RFTN1: variants seen among roughly 807,000 people sequenced by gnomAD.
The protein encoded by RFTN1 is raftlin, lipid raft linker 1.
Under a neutral mutation model 46.5 loss-of-function variants are expected in RFTN1, and 26 were observed. The observed-to-expected ratio is 0.56, with a 90% CI of 0.41 to 0.78. The LOEUF (loss-of-function observed/expected upper bound fraction) is 0.78. Among genes scored for constraint, RFTN1 ranks in the 30% least tolerant of loss-of-function variants. The pLI, the probability that RFTN1 is intolerant of heterozygous loss-of-function variation, is 0.00. For synonymous variants in RFTN1, 261 were observed against 284.2 expected (o/e 0.92, Z 0.82); for missense variants, 693 against 718.7 (o/e 0.96, Z 0.41).
intron 4 of RFTN1, among the ~76,000 whole-genome samples, chr3:16,378,613 C>T (rs1229838141): frequency 1.3e-5 from 2 of 152,110 alleles, no homozygotes; most frequent in Admixed American, 6.5e-5. Context: ...ATAGTTTTGG[C>T]AGAGAAGGGC....
rs1441065189 is a variant in RFTN1 at position 16,317,506 on chromosome 3, T to C, written c.1333-274A>G. 6.6e-6 allele frequency among the ~76,000 whole-genome samples: 1 copy of C among 152,160 alleles called. No homozygotes were observed. The highest frequency in any genetic ancestry group is 1.5e-5 in the Non-Finnish European group (1 of 68,022). ...GCAGTATTTCTTTTGACTGGCTCTA[T>C]ACCAAAGGCCCACATAGGAAAGGGC... On this transcript the variant is annotated intron_variant, in intron 9 of 9. Transcript: ENST00000334133. This position sits in a 1 kb window ranked among gnomAD's most constrained non-coding sequence, Gnocchi z 4.3.
rs2125160102 is a variant in RFTN1, at chr3:16,317,873, C to T, written c.1333-641G>A. On this transcript the variant is annotated intron_variant, in intron 9 of 9. Transcript: ENST00000334133. The surrounding 1 kb of genome is among the most constrained non-coding windows in gnomAD (Gnocchi z 4.3). ...GGATACAACAACCCATTTCCTGATC[C>T]CAATTTGGGATAACGCAAATGCCAT... Among the ~76,000 whole-genome samples the T allele has an allele frequency of 6.6e-6, 1 of 152,290 alleles. No homozygotes were observed. The highest frequency in any genetic ancestry group is 2.4e-5 in the African/African-American group (1 of 41,554).
At position 16,413,460 on chromosome 3, in the gene RFTN1, G is replaced by A. The variant is rs147637121; in HGVS notation, c.333-3977C>T. Among the ~76,000 whole-genome samples, 90 of 152,358 alleles carry A rather than the reference G, an allele frequency of 5.9e-4. No homozygotes were observed. Among genetic ancestry groups the A allele is most frequent in the Admixed American group, 5.5e-3 (84 of 15,312 alleles). ...GGCATTGCCACCTTCCTATGGGGTAGTGGAAATACCAGGTATGCTCCCCAA... is the reference window on the plus strand; with the variant it reads ...GGCATTGCCACCTTCCTATGGGGTAATGGAAATACCAGGTATGCTCCCCAA... On this transcript the variant is annotated intron_variant, in intron 3 of 9. Coordinates refer to ENST00000334133, the MANE Select transcript of RFTN1 (RefSeq NM_015150.2). The surrounding 1 kb of genome is among the most constrained non-coding windows in gnomAD (Gnocchi z 4.7).
At chr3:16,412,654 A>G (rs1008979128) in intron 3 of RFTN1, among the ~76,000 whole-genome samples, 16 of 152,164 alleles carry the variant, frequency 1.1e-4, no homozygotes, top group African/African-American at 2.7e-4. Context: ...CAGCCCTTTC[A>G]GTGGGGGCAG....
rs2076858942 is a variant in RFTN1 at position 16,509,177 on chromosome 3, T to A, written c.-9+4265A>T. On this transcript the variant is annotated intron_variant, in intron 1 of 9. Coordinates refer to ENST00000334133, the MANE Select transcript of RFTN1 (RefSeq NM_015150.2). This position sits in a 1 kb window ranked among gnomAD's most constrained non-coding sequence, Gnocchi z 4.9. ...CTGGCTGTGCCAAACTCAGTAAGCT[T>A]AAGACAAAATGAAAACAAACAAACA... Among the ~76,000 whole-genome samples the A allele has an allele frequency of 6.6e-6, 1 of 152,080 alleles. No individual in the cohort carries two copies.
intron 7 of RFTN1, among the ~76,000 whole-genome samples, chr3:16,332,981 G>A (rs760386598): frequency 1.3e-5 from 2 of 152,104 alleles, no homozygotes; most frequent in African/African-American, 2.4e-5. Context: ...GCATCTGGTC[G>A]CAACAGTTTT....
intron 2 of RFTN1, among the ~76,000 whole-genome samples, chr3:16,463,708 G>A (rs2076043543): frequency 2.6e-5 from 4 of 151,910 alleles, no homozygotes; most frequent in Non-Finnish European, 5.9e-5. Context: ...TCTCATTTTT[G>A]GGGAATGGTC....
intron 3 of RFTN1, among the ~76,000 whole-genome samples, chr3:16,432,390 C>A (rs1183155607): frequency 6.6e-6 from 1 of 152,076 alleles, no homozygotes; most frequent in African/African-American, 2.4e-5. Context: ...TGGTGGCGTG[C>A]ACCTGTAGTC....
chr3:16,467,996 A>G (rs1390093774), intron 2 of RFTN1, among the ~76,000 whole-genome samples: 1 of 152,160 alleles, frequency 6.6e-6, no homozygotes, highest in African/African-American at 2.4e-5. Flanking sequence ...TTCCTCAGCA[A>G]GCCTTTCCCA....
intron 4 of RFTN1, among the ~76,000 whole-genome samples, chr3:16,391,875 T>C (rs1002221871): frequency 4.5e-5 from 1 of 22,094 alleles, no homozygotes; most frequent in Non-Finnish European, 1.0e-4. Flanking sequence ...TTTTGTTTTT[T>C]TTTTTTGTTT....
chr3:16,502,719 C>T (rs1254043905), intron 1 of RFTN1, among the ~76,000 whole-genome samples: 1 of 152,248 alleles, frequency 6.6e-6, no homozygotes, highest in Non-Finnish European at 1.5e-5. Context: ...AGCACTAACT[C>T]AGCACCCATG....
chr3:16,366,075 T>G (rs58074824), intron 6 of RFTN1, among the ~76,000 whole-genome samples: 32,361 of 132,880 alleles, frequency 0.24, 4,365 homozygotes, highest in African/African-American at 0.42. Flanking sequence ...TGGGCAGGGG[T>G]GTGGAGCAGG....
chr3:16,391,930 A>C (rs1439729961), intron 4 of RFTN1, among the ~76,000 whole-genome samples: 1 of 143,328 alleles, frequency 7.0e-6, no homozygotes, highest in Non-Finnish European at 1.5e-5. Context: ...GAATTTCAGA[A>C]AGTGAAACAT....
At chr3:16,359,828 A>G (rs945486826) in intron 6 of RFTN1, among the ~76,000 whole-genome samples, 1 of 150,922 alleles carries the variant, frequency 6.6e-6, no homozygotes, top group East Asian at 1.9e-4. Flanking sequence ...TTTTTTTTTC[A>G]TGGGGAGGGA....
rs1264466494 is a variant in RFTN1 at position 16,421,847 on chromosome 3, CA to C, written c.332+12003del. 1.3e-5 allele frequency among the ~76,000 whole-genome samples: 2 copies of C among 152,238 alleles called. No individual in the cohort carries two copies. Among genetic ancestry groups the C allele is most frequent in the South Asian group, 2.1e-4 (1 of 4,828 alleles). Reference sequence around the variant, plus strand: ...ATGAGAGTTAATTTAGCTAAAATTACAAAAAGCGATCCACTAATTCACCTTA... The same window carrying C: ...ATGAGAGTTAATTTAGCTAAAATTACAAAAGCGATCCACTAATTCACCTTA... On this transcript the variant is annotated intron_variant, in intron 3 of 9. Coordinates refer to ENST00000334133, the MANE Select transcript of RFTN1 (RefSeq NM_015150.2). This position sits in a 1 kb window ranked among gnomAD's most constrained non-coding sequence, Gnocchi z 4.6.
chr3:16,417,738 T>C lies in RFTN1; in HGVS notation c.333-8255A>G, dbSNP rs377538450. 1.4e-4 allele frequency among the ~76,000 whole-genome samples: 21 copies of C among 152,346 alleles called. No individual in the cohort carries two copies. In the South Asian group the frequency reaches 1.5e-3, roughly 11 times the overall value. ...TGGGCAACGAGTGAAAGATTCTTTC[T>C]GAAACCAAAGCACATAATCTAGACA... On this transcript the variant is annotated intron_variant, in intron 3 of 9. Coordinates refer to ENST00000334133, the MANE Select transcript of RFTN1 (RefSeq NM_015150.2).
At chr3:16,414,327 C>A (rs1457332658) in intron 3 of RFTN1, among the ~76,000 whole-genome samples, 1 of 149,692 alleles carries the variant, frequency 6.7e-6, no homozygotes, top group Non-Finnish European at 1.5e-5. Context: ...AAGAAAAGGG[C>A]TGGGCACAGT....
Position 16,418,500 on chromosome 3 carries a change from C to A in RFTN1, c.333-9017G>T, listed in dbSNP as rs555074452. Among the ~76,000 whole-genome samples, 230 of 149,402 alleles carry A rather than the reference C, an allele frequency of 1.5e-3. No homozygotes were observed. The highest frequency in any genetic ancestry group is 1.9e-3 in the African/African-American group (79 of 40,814). The stretch of plus-strand genomic sequence containing the variant: ...TATTTTTGCTTCATTTAGAAATAAT[C>A]AAAAAAAAATGGTGACAAACACAAA... On this transcript the variant is annotated intron_variant, in intron 3 of 9. Coordinates refer to ENST00000334133, the MANE Select transcript of RFTN1 (RefSeq NM_015150.2). This position sits in a 1 kb window ranked among gnomAD's most constrained non-coding sequence, Gnocchi z 5.0.
intron 6 of RFTN1, among the ~76,000 whole-genome samples, chr3:16,366,972 G>A (rs1326917903): frequency 6.6e-6 from 1 of 152,356 alleles, no homozygotes. Flanking sequence ...CTTGAGGACT[G>A]TACAAGTCTT....
Sources: gnomAD v4.1 joint callset for allele counts (sites outside exome capture counted in the v4.1 genomes callset) on GRCh38, gnomAD v4.1.1 for gene constraint, Gnocchi (gnomAD v3.1) non-coding constraint, MANE v1.5 for transcripts, NCBI Gene and HGNC (gene_info 2026-07-23, HGNC 2026-07-21) for gene names.